The following KLHL8 variants were observed in gnomAD, a reference collection of about 807,000 sequenced individuals.
KLHL8 encodes the protein kelch-like protein 8.
In KLHL8, 38 loss-of-function variants were observed where a neutral mutation model predicts 63.5. The ratio of observed to expected loss-of-function variants is 0.60; its 90% CI spans 0.46 to 0.78. KLHL8 has a LOEUF of 0.78. Ranked by LOEUF, KLHL8 falls within the 30% of genes least tolerant of loss-of-function variation. The pLI is 0.00. For synonymous variants in KLHL8, 224 were observed against 254.3 expected (o/e 0.88, Z 1.13); for missense variants, 566 against 752.4 (o/e 0.75, Z 2.90).
At chr4:87,232,759 G>C (rs1227477025) in intron 1 of KLHL8, among the ~76,000 whole-genome samples, 5 of 152,004 alleles carry the variant, frequency 3.3e-5, no homozygotes, top group Non-Finnish European at 7.4e-5. Flanking sequence ...CCCTAATCTT[G>C]TGATCATAAT....
intron 8 of KLHL8, among the ~76,000 whole-genome samples, chr4:87,166,399 T>A (rs1291007193): frequency 2.6e-5 from 4 of 152,272 alleles, no homozygotes; most frequent in African/African-American, 9.6e-5. Context: ...CCTTTGCTAG[T>A]GACAACCTCT....
chr4:87,160,169 T>C lies in KLHL8; in HGVS notation c.*3350A>G, dbSNP rs535136977. ...ATAGCACTGATGTGACCCCAACTTT[T>C]TGATATCCATAGTTGGTGATATATA... On this transcript the variant is annotated 3_prime_UTR_variant, in exon 10 of 10. Transcript: ENST00000273963. 1.3e-5 allele frequency: 2 copies of C among 152,306 alleles called. No individual in the cohort carries two copies. Among genetic ancestry groups the C allele is most frequent in the East Asian group, 1.9e-4 (1 of 5,190 alleles). The allele number at this position is 152,306 out of a possible 1,614,324, so 9.4% of individuals were successfully genotyped here.
intron 4 of KLHL8, among the ~76,000 whole-genome samples, chr4:87,182,154 G>A (rs975843661): frequency 3.3e-5 from 5 of 151,004 alleles, no homozygotes; most frequent in African/African-American, 1.2e-4. Flanking sequence ...GCGTGAACCT[G>A]GGAGGTGGAG....
chr4:87,172,554 T>C (rs1183030431), intron 6 of KLHL8, among the ~76,000 whole-genome samples: 1 of 152,240 alleles, frequency 6.6e-6, no homozygotes, highest in Non-Finnish European at 1.5e-5. Flanking sequence ...ATTCACCATG[T>C]TGTTTTCCTA....
intron 1 of KLHL8, chr4:87,208,076 T>C (rs1732217904): frequency 1.7e-6 from 1 of 576,360 alleles, no homozygotes; most frequent in South Asian, 1.5e-5. Flanking sequence ...ATGGCCCACA[T>C]GGCCTCCAAA....
chr4:87,173,466 G>A lies in KLHL8; in HGVS notation c.1209-2851C>T, dbSNP rs1275800374. Among the ~76,000 whole-genome samples the A allele has an allele frequency of 6.6e-5, 10 of 152,156 alleles. No homozygotes were observed. In the East Asian group the frequency reaches 1.9e-3, roughly 29 times the overall value. On this transcript the variant is annotated intron_variant, in intron 6 of 9. Transcript: ENST00000273963. ...CTTTAGACATGCTGTCAGGATGATGGGTTTCAACAGACTCATAGCTTAAAC... is the reference window on the plus strand; with the variant it reads ...CTTTAGACATGCTGTCAGGATGATGAGTTTCAACAGACTCATAGCTTAAAC...
chr4:87,236,860 C>T (rs1431484773), intron 1 of KLHL8, among the ~76,000 whole-genome samples: 1 of 151,926 alleles, frequency 6.6e-6, no homozygotes, highest in Non-Finnish European at 1.5e-5. Flanking sequence ...GACGGGGTTT[C>T]TCTATGTTGG....
chr4:87,174,599 G>T (rs1403965013), intron 6 of KLHL8, among the ~76,000 whole-genome samples: 1 of 152,096 alleles, frequency 6.6e-6, no homozygotes, highest in Non-Finnish European at 1.5e-5. Flanking sequence ...TTTATTAAAA[G>T]AAACTCTTCA....
chr4:87,192,245 T>C (rs1731523389), intron 2 of KLHL8, among the ~76,000 whole-genome samples: 1 of 152,186 alleles, frequency 6.6e-6, no homozygotes, highest in Non-Finnish European at 1.5e-5. Context: ...GTATAAGTGT[T>C]CCCTTCTCTC....
intron 4 of KLHL8, among the ~76,000 whole-genome samples, chr4:87,182,760 T>C (rs999080894): frequency 2.0e-5 from 3 of 152,220 alleles, no homozygotes; most frequent in African/African-American, 7.2e-5. Flanking sequence ...ATGTTAGCTA[T>C]GTTTAGTGCC....
chr4:87,239,302 T>G (rs1733288860), intron 1 of KLHL8, among the ~76,000 whole-genome samples: 1 of 152,206 alleles, frequency 6.6e-6, no homozygotes, highest in Non-Finnish European at 1.5e-5. Context: ...AAGTTGTGAC[T>G]CTTTAAAGAC....
chr4:87,207,398 T>G, intron 1 of KLHL8: 1 of 675,646 alleles, frequency 1.5e-6, no homozygotes, highest in Admixed American at 1.9e-5. Flanking sequence ...TTCACCCCCA[T>G]GGAGAAGGCT....
At chr4:87,217,214 C>T (rs1732628063) in intron 1 of KLHL8, among the ~76,000 whole-genome samples, 1 of 149,690 alleles carries the variant, frequency 6.7e-6, no homozygotes, top group African/African-American at 2.5e-5. Context: ...CCTCTTGTTT[C>T]TTTGGCTAAT....
At chr4:87,189,231 CAA>C (rs1334988112) in intron 2 of KLHL8, among the ~76,000 whole-genome samples, 1 of 152,152 alleles carries the variant, frequency 6.6e-6, no homozygotes, top group Admixed American at 6.5e-5. Flanking sequence ...GTGATTAGCA[CAA>C]GAGTAGGTTG....
chr4:87,178,310 C>CTGAGCATCTGTGGGCACAA (rs1485716159), intron 5 of KLHL8, among the ~76,000 whole-genome samples, 167 bp downstream of exon 5: 1 of 152,144 alleles, frequency 6.6e-6, no homozygotes, highest in Non-Finnish European at 1.5e-5. Flanking sequence ...ATTATGCACA[C>CTGAGCATCTGTGGGCACAA]TGAGCATCTG....
chr4:87,198,110 G>C (rs1317009429), intron 1 of KLHL8, among the ~76,000 whole-genome samples: 3 of 151,228 alleles, frequency 2.0e-5, no homozygotes, highest in Non-Finnish European at 4.4e-5. Flanking sequence ...CCTGAGGTCA[G>C]GAGTTCGAGA....
At position 87,195,356 on chromosome 4, in the gene KLHL8, C is replaced by T. The variant is rs1731651972; in HGVS notation, c.184G>A (p.Glu62Lys). ...GTGACATCACAGAGTTCTCCATTTTCATAAAATCGAAGAAGAGAACCATGA... is the reference window on the plus strand; with the variant it reads ...GTGACATCACAGAGTTCTCCATTTTTATAAAATCGAAGAAGAGAACCATGA... Reference protein sequence around the residue: ...DFHGSLLRFYENGELCDVTLK... With the variant: ...DFHGSLLRFYKNGELCDVTLK... Residue 62 changes from glutamate (E) to lysine (K), a missense_variant, in exon 2 of 10, where the codon GAA (glutamate) becomes AAA (lysine). By Grantham distance (56) the Glu-to-Lys change is moderately conservative. Transcript: ENST00000273963. 1 of 1,612,584 alleles carries T rather than the reference C, an allele frequency of 6.2e-7. No homozygotes were observed.
intron 1 of KLHL8, among the ~76,000 whole-genome samples, chr4:87,229,341 C>A (rs35133616): frequency 0.077 from 11,684 of 152,088 alleles, 627 homozygotes; most frequent in Non-Finnish European, 0.12. Flanking sequence ...GGACATTGAC[C>A]AGCAGCCATT....
chr4:87,193,354 TC>T (rs1273776120), intron 2 of KLHL8, among the ~76,000 whole-genome samples: 1 of 152,194 alleles, frequency 6.6e-6, no homozygotes, highest in Non-Finnish European at 1.5e-5. Flanking sequence ...ATCACTGTCT[TC>T]CGCCTCCAGA....
Sources: allele counts gnomAD v4.1 joint callset (sites outside exome capture counted in the v4.1 genomes callset), GRCh38; gene constraint gnomAD v4.1.1; transcripts MANE v1.5; gene names NCBI Gene and HGNC (gene_info 2026-07-23, HGNC 2026-07-21).